Variants in SCNN1G observed in about 807,000 individuals in gnomAD.
SCNN1G encodes epithelial sodium channel subunit gamma.
Under a neutral mutation model 64.6 loss-of-function variants are expected in SCNN1G, and 27 were observed. The observed-to-expected ratio is 0.42, with a 90% confidence interval of 0.31 to 0.58. The LOEUF is 0.58. Among genes scored for constraint, SCNN1G ranks in the 20% least tolerant of loss-of-function variants. The pLI is 0.18. For synonymous variants in SCNN1G, 330 were observed against 314.2 expected (o/e 1.05, Z -0.53); for missense variants, 743 against 823.4 (o/e 0.90, Z 1.19).
rs1448195921 is a variant in SCNN1G, at chr16:23,192,252, G to A, written c.619-100G>A. 5.1e-6 allele frequency: 5 copies of A among 974,006 alleles called. No homozygotes were observed. The Admixed American group carries it at 8.6e-5, about 17-fold the overall frequency. 60.3% of individuals were successfully genotyped at this position (974,006 alleles called of 1,614,324 possible). A position where few individuals can be genotyped will look rare whatever the true frequency, so the allele number is the denominator to read the frequency against. ...CCCCAGATATCCAACCTGTTCCCCT[G>A]AGTATCTGGCCTGGAGTCTCAGTCA... is the stretch of plus-strand genomic sequence containing the variant. On this transcript the variant is annotated intron_variant, in intron 3 of 12. Transcript: ENST00000300061.
intron 3 of SCNN1G, among the ~76,000 whole-genome samples, chr16:23,192,050 T>C (rs1024823214): frequency 2.0e-5 from 3 of 150,842 alleles, no homozygotes; most frequent in African/African-American, 7.3e-5. Flanking sequence ...ATCAATCGGA[T>C]GAAACCTAGG....
intron 6 of SCNN1G, among the ~76,000 whole-genome samples, chr16:23,204,323 A>G (rs1285290796): frequency 5.2e-5 from 5 of 96,566 alleles, no homozygotes; most frequent in African/African-American, 1.9e-4. Context: ...ATATATATAT[A>G]TATATATATA....
intron 5 of SCNN1G, chr16:23,194,765 C>T (rs555616702): frequency 5.3e-6 from 1 of 188,898 alleles, no homozygotes; most frequent in African/African-American, 2.3e-5. Flanking sequence ...AATAGTATCT[C>T]CCATGTGAGA....
chr16:23,213,252 CTTT>C lies in SCNN1G; in HGVS notation c.1493+108_1493+110del, dbSNP rs376259589. The stretch of plus-strand genomic sequence containing the variant: ...TTCTGTATGTGTATGGCCAAATCCT[CTTT>C]TTTTTTTTTTTTTTTTTTATGGAGT... On this transcript the variant is annotated intron_variant, in intron 11 of 12. Coordinates refer to ENST00000300061, the MANE Select transcript of SCNN1G (RefSeq NM_001039.4). 1,079 of 531,870 alleles carry C rather than the reference CTTT, an allele frequency of 2.0e-3. 1 individual carries two copies. The highest frequency in any genetic ancestry group is 7.3e-3 in the African/African-American group (312 of 42,764). 32.9% of individuals were successfully genotyped at this position (531,870 alleles called of 1,614,324 possible).
At chr16:23,204,332 T>TAGAGAGAG (rs1275220740) in intron 6 of SCNN1G, among the ~76,000 whole-genome samples, 5 of 25,138 alleles carry the variant, frequency 2.0e-4, no homozygotes, top group Admixed American at 6.1e-4. Context: ...TATATATATA[T>TAGAGAGAG]ATAGAGAGAG....
intron 6 of SCNN1G, among the ~76,000 whole-genome samples, chr16:23,197,744 G>C (rs1959819435): frequency 1.3e-5 from 2 of 152,082 alleles, no homozygotes; most frequent in Admixed American, 1.3e-4. Context: ...GTTGGGTATG[G>C]TAGTGTGTGC....
intron 6 of SCNN1G, among the ~76,000 whole-genome samples, chr16:23,200,113 CAT>C (rs1201411183): frequency 2.0e-5 from 3 of 152,214 alleles, no homozygotes; most frequent in Non-Finnish European, 4.4e-5. Context: ...CCTTCACAAA[CAT>C]ATCCTCCAGA....
chr16:23,210,196 T>A (rs4470152), intron 7 of SCNN1G, among the ~76,000 whole-genome samples: 5 of 152,028 alleles, frequency 3.3e-5, no homozygotes, highest in Non-Finnish European at 5.9e-5. Flanking sequence ...GGTGCCCCTC[T>A]CTGGATGATG....
intron 2 of SCNN1G, 31 bp from the exon 3 acceptor site, chr16:23,189,339 CT>C: frequency 6.2e-7 from 1 of 1,609,752 alleles, no homozygotes; most frequent in East Asian, 2.2e-5. Context: ...GCCGCCTCCC[CT>C]CTCCCTGACT....
At chr16:23,210,759 TG>T (rs1410562431) in intron 7 of SCNN1G, among the ~76,000 whole-genome samples, 1 of 152,070 alleles carries the variant, frequency 6.6e-6, no homozygotes, top group East Asian at 1.9e-4. Flanking sequence ...GGGCCAGGCA[TG>T]GTAGCTCATG....
chr16:23,211,964 G>T, intron 7 of SCNN1G, 70 bp from the exon 8 acceptor site: 1 of 1,110,978 alleles, frequency 9.0e-7, no homozygotes, highest in Non-Finnish European at 1.4e-6. Context: ...CTGGGCTGAG[G>T]GATGTGCAGG....
Position 23,183,695 on chromosome 16 carries a change from A to G in SCNN1G, c.-45+882A>G, listed in dbSNP as rs1483896127. The stretch of plus-strand genomic sequence containing the variant: ...AATGGGCCAAGTAATAGCACCTCAT[A>G]TAACTGTAGTGAGGATTAAATCAGG... On this transcript the variant is annotated intron_variant, in intron 1 of 12. Transcript: ENST00000300061. Among the ~76,000 whole-genome samples the G allele has an allele frequency of 3.4e-5, 5 of 145,012 alleles. No individual in the cohort carries two copies. The Admixed American group carries it at 3.7e-4, about 11-fold the overall frequency.
intron 8 of SCNN1G, 76 bp downstream of exon 8, chr16:23,212,227 GA>G: frequency 1.1e-6 from 1 of 922,824 alleles, no homozygotes; most frequent in South Asian, 1.3e-5. Context: ...GCACTCCTGG[GA>G]CTCCACCCCT....
At chr16:23,193,589 C>T (rs1026173090) in intron 4 of SCNN1G, among the ~76,000 whole-genome samples, 3 of 152,126 alleles carry the variant, frequency 2.0e-5, no homozygotes, top group Non-Finnish European at 4.4e-5. Flanking sequence ...GTTGAGGCTG[C>T]AGTGAGCCAT....
chr16:23,215,613 C>T lies in SCNN1G; in HGVS notation c.*144C>T. On this transcript the variant is annotated 3_prime_UTR_variant, in exon 13 of 13. Coordinates refer to ENST00000300061, the MANE Select transcript of SCNN1G (RefSeq NM_001039.4). ...CTCTGACCAAAAAGCCTGCTTTAAA[C>T]CGCAAGATGGGGCCTGGGCATGCGC... 2.1e-6 allele frequency: 2 copies of T among 956,014 alleles called. No individual in the cohort carries two copies. The highest frequency in any genetic ancestry group is 2.0e-5 in the Admixed American group (1 of 49,682). The allele number at this position is 956,014 out of a possible 1,614,324, so 59.2% of individuals were successfully genotyped here.
intron 2 of SCNN1G, among the ~76,000 whole-genome samples, chr16:23,188,923 C>A (rs909593612): frequency 6.6e-6 from 1 of 152,044 alleles, no homozygotes; most frequent in Non-Finnish European, 1.5e-5. Context: ...TACCCTCCTT[C>A]CCCCCAGCAC....
intron 6 of SCNN1G, among the ~76,000 whole-genome samples, chr16:23,209,193 C>T (rs912217653): frequency 3.3e-5 from 5 of 152,064 alleles, no homozygotes; most frequent in Non-Finnish European, 7.4e-5. Flanking sequence ...AGTGGTACGA[C>T]GATGGCTCAC....
intron 6 of SCNN1G, among the ~76,000 whole-genome samples, chr16:23,200,682 A>T (rs997473619): frequency 6.6e-6 from 1 of 152,252 alleles, no homozygotes; most frequent in African/African-American, 2.4e-5. Context: ...CAAATGATTC[A>T]TTATAATTGC....
At chr16:23,195,793 G>GTTTGCAATTGTTTACCAATTC (rs1192031128) in intron 5 of SCNN1G, 44 of 152,062 alleles carry the variant, frequency 2.9e-4, no homozygotes, top group African/African-American at 1.0e-3. Flanking sequence ...TTTACAAATC[G>GTTTGCAATTGTTTACCAATTC]TTTGCAATTG....
Sources: gnomAD v4.1 joint callset for allele counts (sites outside exome capture counted in the v4.1 genomes callset) on GRCh38, gnomAD v4.1.1 for gene constraint, MANE v1.5 for transcripts, NCBI Gene and HGNC (gene_info 2026-07-23, HGNC 2026-07-21) for gene names.